The following CDH2 variants were observed in gnomAD, a reference collection of about 807,000 sequenced individuals.
CDH2 encodes cadherin 2.
In CDH2, 17 loss-of-function variants were observed where a neutral mutation model predicts 92.0. That is an observed-to-expected ratio of 0.18 (90% confidence interval 0.13 to 0.28). The LOEUF is 0.28. CDH2 is among the 10% of genes least tolerant of loss of function. CDH2 has a pLI of 1.00. For synonymous variants in CDH2, 419 were observed against 415.9 expected (o/e 1.01, Z -0.09); for missense variants, 862 against 1,133.1 (o/e 0.76, Z 3.44).
intron 2 of CDH2, among the ~76,000 whole-genome samples, chr18:28,034,811 G>A (rs1433943277): frequency 6.6e-6 from 1 of 151,974 alleles, no homozygotes; most frequent in East Asian, 1.9e-4. Flanking sequence ...GTGTTACAAT[G>A]AGTATAAATC....
chr18:28,043,889 G>GGTT (rs1298359943), intron 2 of CDH2, among the ~76,000 whole-genome samples: 1 of 78,244 alleles, frequency 1.3e-5, no homozygotes. Flanking sequence ...CAGAATCTCG[G>GGTT]ATTTTTTTTT....
intron 7 of CDH2, among the ~76,000 whole-genome samples, chr18:28,002,017 A>G (rs1260234823): frequency 6.6e-6 from 1 of 152,240 alleles, no homozygotes; most frequent in African/African-American, 2.4e-5. Context: ...AGATCTCCCT[A>G]TGAGTTGGCG....
intron 2 of CDH2, among the ~76,000 whole-genome samples, chr18:28,078,567 T>C (rs1451882116): frequency 2.0e-5 from 3 of 152,064 alleles, no homozygotes; most frequent in African/African-American, 7.2e-5. Context: ...GTGTCGGCTC[T>C]TCCTGACCTT....
chr18:28,005,658 AT>A (rs74441046), intron 6 of CDH2, among the ~76,000 whole-genome samples, 190 bp downstream of exon 6: 151 of 149,906 alleles, frequency 1.0e-3, no homozygotes, highest in African/African-American at 3.3e-3. Context: ...AATAAGAAGG[AT>A]TTTTTTTTTG....
Position 27,988,803 on chromosome 18 carries a change from A to G in CDH2, c.1599-137T>C, listed in dbSNP as rs1007016228. 5 of 658,390 alleles carry G rather than the reference A, an allele frequency of 7.6e-6. No homozygotes were observed. The African/African-American group carries it at 9.1e-5, about 12-fold the overall frequency. The allele number at this position is 658,390 out of a possible 1,614,324, so 40.8% of individuals were successfully genotyped here. On this transcript the variant is annotated intron_variant, in intron 10 of 15. Transcript: ENST00000269141. ...TGGCTGGACATACAGCTTTAACAGG[A>G]AAAAGTATTTTTGTGACAGTGGTAT...
intron 14 of CDH2, among the ~76,000 whole-genome samples, chr18:27,973,162 G>A (rs2011714428): frequency 6.6e-6 from 1 of 151,998 alleles, no homozygotes; most frequent in Non-Finnish European, 1.5e-5. Context: ...TGTGCTTTCT[G>A]TGTCACCAAG....
At chr18:28,057,207 G>C (rs1458558262) in intron 2 of CDH2, among the ~76,000 whole-genome samples, 1 of 152,014 alleles carries the variant, frequency 6.6e-6, no homozygotes, top group East Asian at 1.9e-4. Flanking sequence ...CATTGGACTG[G>C]GTAAGAATTC....
intron 14 of CDH2, among the ~76,000 whole-genome samples, chr18:27,968,799 A>C (rs2011588231): frequency 6.6e-6 from 1 of 152,240 alleles, no homozygotes; most frequent in African/African-American, 2.4e-5. Context: ...GAGAAATTAA[A>C]ATACTCACAT....
At chr18:28,159,093 A>G (rs1010390398) in intron 1 of CDH2, 9 of 152,204 alleles carry the variant, frequency 5.9e-5, no homozygotes, top group Non-Finnish European at 1.2e-4. Context: ...AAGAGTCCTG[A>G]GACTAAAAAG....
At chr18:28,043,286 G>T in intron 2 of CDH2, among the ~76,000 whole-genome samples, 1 of 151,316 alleles carries the variant, frequency 6.6e-6, no homozygotes, top group East Asian at 1.9e-4. Flanking sequence ...TAATATAATG[G>T]ACTTTGGGGA....
intron 2 of CDH2, among the ~76,000 whole-genome samples, chr18:28,070,192 G>A (rs1313019406): frequency 3.3e-5 from 5 of 152,100 alleles, no homozygotes; most frequent in African/African-American, 4.8e-5. Flanking sequence ...GTCTACATAA[G>A]GAAGTTTGCC....
intron 6 of CDH2, among the ~76,000 whole-genome samples, chr18:28,004,007 C>T (rs1048812633): frequency 3.9e-5 from 6 of 152,142 alleles, no homozygotes; most frequent in African/African-American, 1.4e-4. Context: ...AGCCTGTTTA[C>T]ATTGGGTATT....
At chr18:28,130,645 GCTGAGCAGGCCT>G (rs1377130087) in intron 2 of CDH2, among the ~76,000 whole-genome samples, 4 of 152,220 alleles carry the variant, frequency 2.6e-5, no homozygotes, top group Non-Finnish European at 5.9e-5. Flanking sequence ...GCGCATGGCT[GCTGAGCAGGCCT>G]CTTCCAGGGA....
intron 2 of CDH2, among the ~76,000 whole-genome samples, chr18:28,073,828 G>A (rs538804118): frequency 4.1e-4 from 63 of 152,232 alleles, no homozygotes; most frequent in Non-Finnish European, 6.8e-4. Context: ...TAATATGCCC[G>A]AGGTCCACTA....
At chr18:28,091,574 T>G (rs930097683) in intron 2 of CDH2, among the ~76,000 whole-genome samples, 8 of 152,324 alleles carry the variant, frequency 5.3e-5, no homozygotes, top group South Asian at 4.1e-4. Flanking sequence ...CTCAAATTAT[T>G]TTTTAGAGTA....
chr18:27,982,373 A>G (rs2012083623), intron 14 of CDH2, among the ~76,000 whole-genome samples: 1 of 152,206 alleles, frequency 6.6e-6, no homozygotes. Flanking sequence ...CATCTATTGA[A>G]TAACCACCTC....
At chr18:28,044,866 T>TGTGTGTGTGG (rs879392879) in intron 2 of CDH2, among the ~76,000 whole-genome samples, 12 of 151,946 alleles carry the variant, frequency 7.9e-5, no homozygotes, top group Non-Finnish European at 1.3e-4. Flanking sequence ...TGTGTGTGTG[T>TGTGTGTGTGG]GTGTGTGTGT....
intron 1 of CDH2, among the ~76,000 whole-genome samples, chr18:28,150,522 CTG>C (rs1319041280): frequency 6.6e-6 from 1 of 152,178 alleles, no homozygotes; most frequent in Non-Finnish European, 1.5e-5. Context: ...ATGTTCACCT[CTG>C]TGTTTTGTTC....
intron 3 of CDH2, 43 bp downstream of exon 3, chr18:28,013,640 G>A: frequency 7.2e-7 from 1 of 1,394,220 alleles, no homozygotes; most frequent in Non-Finnish European, 1.0e-6. Context: ...ACTGTATAAA[G>A]CTGATTTTTA....
Sources: allele counts gnomAD v4.1 joint callset (sites outside exome capture counted in the v4.1 genomes callset), GRCh38; gene constraint gnomAD v4.1.1; transcripts MANE v1.5; gene names NCBI Gene and HGNC (gene_info 2026-07-23, HGNC 2026-07-21).